Variants in MYO7B observed in about 807,000 individuals in gnomAD.
MYO7B encodes the protein myosin VIIB, also known as unconventional myosin-VIIb.
A neutral mutation model predicts 259.7 loss-of-function variants in MYO7B; 212 were observed. That is an observed-to-expected ratio of 0.82 (90% confidence interval 0.73 to 0.91). MYO7B has a LOEUF of 0.91. MYO7B is among the 40% of genes least tolerant of loss of function. The pLI is 0.00. For synonymous variants in MYO7B, 1,197 were observed against 1,166.4 expected (o/e 1.03, Z -0.54); for missense variants, 2,732 against 2,813.5 (o/e 0.97, Z 0.66).
chr2:127,571,442 G>GTTTTTTTTTTGTTTTTGTT (rs1553448471), intron 6 of MYO7B, among the ~76,000 whole-genome samples: 3 of 41,984 alleles, frequency 7.1e-5, no homozygotes, highest in Admixed American at 3.4e-4. Flanking sequence ...TTACCAGTGA[G>GTTTTTTTTTTGTTTTTGTT]TTTTTTTTTT....
chr2:127,569,750 C>T (rs779922982), intron 5 of MYO7B, 39 bp from the exon 6 acceptor site: 13 of 1,579,340 alleles, frequency 8.2e-6, no homozygotes, highest in African/African-American at 2.7e-5. Flanking sequence ...AAAAAATAGT[C>T]GTTTTGTGGC....
intron 12 of MYO7B, among the ~76,000 whole-genome samples, chr2:127,583,541 T>C (rs186716513): frequency 6.6e-6 from 1 of 152,246 alleles, no homozygotes; most frequent in East Asian, 1.9e-4. Context: ...TGGCAACTGA[T>C]GGGAACTGGA....
At position 127,628,035 on chromosome 2, in the gene MYO7B, G is replaced by C. The variant is rs1372895165; in HGVS notation, c.4461-337G>C. 3.8e-6 allele frequency: 2 copies of C among 523,342 alleles called. No homozygotes were observed. Among genetic ancestry groups the C allele is most frequent in the Non-Finnish European group, 7.4e-6 (2 of 270,664 alleles). 32.4% of individuals were successfully genotyped at this position (523,342 alleles called of 1,614,324 possible). A position where few individuals can be genotyped will look rare whatever the true frequency, so the allele number is the denominator to read the frequency against. On this transcript the variant is annotated intron_variant, in intron 33 of 47. Transcript: ENST00000409816. This position sits in a 1 kb window ranked among gnomAD's most constrained non-coding sequence, Gnocchi z 4.8. ...AAACTGAAGCACGCCGAGGTTAGGT[G>C]GCTCAGAGTAAGCACATGGCAGAGC...
chr2:127,601,415 C>G (rs918467658), intron 19 of MYO7B, among the ~76,000 whole-genome samples: 7 of 152,094 alleles, frequency 4.6e-5, no homozygotes, highest in East Asian at 1.9e-4. Context: ...GAGAGAGTCT[C>G]TAATTATAAT....
intron 1 of MYO7B, among the ~76,000 whole-genome samples, chr2:127,537,486 G>C (rs987023366): frequency 2.6e-5 from 4 of 152,190 alleles, no homozygotes; most frequent in Non-Finnish European, 5.9e-5. Flanking sequence ...ATACCAAGCT[G>C]TTCAGGGAGG....
chr2:127,560,410 G>T (rs1054921841), intron 2 of MYO7B, among the ~76,000 whole-genome samples: 3 of 152,098 alleles, frequency 2.0e-5, no homozygotes, highest in African/African-American at 7.2e-5. Context: ...GCATGGGTAG[G>T]ACTGAAACCC....
chr2:127,617,496 T>TG lies in MYO7B; in HGVS notation c.3399-2844_3399-2843insG, dbSNP rs1314951037. 1.9e-4 allele frequency among the ~76,000 whole-genome samples: 24 copies of TG among 128,602 alleles called. No individual in the cohort carries two copies. The East Asian group carries it at 2.2e-3, about 12-fold the overall frequency. 84.4% of individuals were successfully genotyped at this position (128,602 alleles called of 152,430 possible). On this transcript the variant is annotated intron_variant, in intron 26 of 47. Transcript: ENST00000409816. Reference sequence around the variant, plus strand: ...GCAGACTTGTAACGGGGTTTTTTTTTTTTTTTTTTTTTTTTTTGAGACGGA... The same window carrying TG: ...GCAGACTTGTAACGGGGTTTTTTTTTGTTTTTTTTTTTTTTTTTGAGACGGA...
rs756594686 is a variant in MYO7B, at chr2:127,636,537, C to A, written c.6124-8C>A. On this transcript the variant is annotated splice_polypyrimidine_tract_variant and splice_region_variant and intron_variant, in intron 45 of 47. Coordinates refer to ENST00000409816, the MANE Select transcript of MYO7B (RefSeq NM_001393586.1). The surrounding 1 kb of genome is among the most constrained non-coding windows in gnomAD (Gnocchi z 4.5). ...CTGGACTATGACCGCCGTGTCCCTCCCTCCCAGCAAACCTCGGAGCCTTCC... is the reference window on the plus strand; with the variant it reads ...CTGGACTATGACCGCCGTGTCCCTCACTCCCAGCAAACCTCGGAGCCTTCC... 4 of 1,608,264 alleles carry A rather than the reference C, an allele frequency of 2.5e-6. No individual in the cohort carries two copies. Among genetic ancestry groups the A allele is most frequent in the Non-Finnish European group, 3.4e-6 (4 of 1,177,448 alleles).
At position 127,612,281 on chromosome 2, in the gene MYO7B, A is replaced by C. The variant is rs1231176218; in HGVS notation, c.3224A>C (p.Asp1075Ala). Residue 1075 changes from aspartate (D) to alanine (A), a missense_variant, in exon 25 of 48, where the codon GAT (aspartate) becomes GCT (alanine). By Grantham distance (126) the Asp-to-Ala change is moderately radical. This residue lies in a region of MYO7B where 1,906 missense variants were observed against 2,026.4 expected (regional missense o/e 0.94). Coordinates refer to ENST00000409816, the MANE Select transcript of MYO7B (RefSeq NM_001393586.1). Reference sequence around the variant, plus strand: ...GGCTGCAAGGACAAGGGGACCAAGGATATCTCCTCCATGAAGCTGAAGCGG... The same window carrying C: ...GGCTGCAAGGACAAGGGGACCAAGGCTATCTCCTCCATGAAGCTGAAGCGG... ...RSGCKDKGTK[D>A]ISSMKLKRSS... 3 of 736,250 alleles carry C rather than the reference A, an allele frequency of 4.1e-6. No homozygotes were observed. In the African/African-American group the frequency reaches 5.2e-5, roughly 13 times the overall value. 45.6% of individuals were successfully genotyped at this position (736,250 alleles called of 1,614,324 possible).
In MYO7B at chr2:127,634,856, AC is replaced by A. The variant is rs370468984; in HGVS notation, c.5713+174del. 589 of 683,076 alleles carry A rather than the reference AC, an allele frequency of 8.6e-4. 1 individual carries two copies. The African/African-American group carries it at 8.9e-3, about 10-fold the overall frequency. The allele number at this position is 683,076 out of a possible 1,614,324, so 42.3% of individuals were successfully genotyped here. ...GCGGTGAGGGCCAGCTCAGGCAGAAACAGGTGGCTGCACCTTGGAGTGATGA... is the reference window on the plus strand; with the variant it reads ...GCGGTGAGGGCCAGCTCAGGCAGAAAAGGTGGCTGCACCTTGGAGTGATGA... On this transcript the variant is annotated intron_variant, in intron 42 of 47. Coordinates refer to ENST00000409816, the MANE Select transcript of MYO7B (RefSeq NM_001393586.1).
rs780955121 is a variant in MYO7B at position 127,593,522 on chromosome 2, G to A, written c.2146-24G>A. ...AGGGGTCTCTGCCCCACCTCCCACCGATACCCCCGTTTGGTCTTGGCAGCT... is the reference window on the plus strand; with the variant it reads ...AGGGGTCTCTGCCCCACCTCCCACCAATACCCCCGTTTGGTCTTGGCAGCT... On this transcript the variant is annotated intron_variant, in intron 17 of 47. Transcript: ENST00000409816. 3.7e-6 allele frequency: 6 copies of A among 1,608,568 alleles called. No homozygotes were observed. In the South Asian group the frequency reaches 6.6e-5, roughly 18 times the overall value.
intron 1 of MYO7B, among the ~76,000 whole-genome samples, chr2:127,558,147 A>G (rs984457788): frequency 6.6e-6 from 1 of 152,222 alleles, no homozygotes; most frequent in Non-Finnish European, 1.5e-5. Flanking sequence ...ACAAATTAGT[A>G]AGAAAAAAAA....
chr2:127,566,712 GTACAGCTCTAC>G lies in MYO7B; in HGVS notation c.362_372del (p.Leu121ProfsTer62), dbSNP rs773963669. On this transcript the variant is annotated frameshift_variant, in exon 5 of 48. Transcript: ENST00000409816. LOFTEE classifies it high-confidence loss of function. ...GCTGCCGCTCTACACCCTGGAGCAGGTACAGCTCTACTACAGCCGCCATATGGGCGAGCTGC... is the reference window on the plus strand; with the variant it reads ...GCTGCCGCTCTACACCCTGGAGCAGGTACAGCCGCCATATGGGCGAGCTGC... The G allele has an allele frequency of 1.9e-6, 3 of 1,611,540 alleles. No individual in the cohort carries two copies. Among genetic ancestry groups the G allele is most frequent in the Non-Finnish European group, 2.5e-6 (3 of 1,179,430 alleles).
intron 1 of MYO7B, among the ~76,000 whole-genome samples, chr2:127,537,735 G>A (rs1324000859): frequency 6.6e-6 from 1 of 151,970 alleles, no homozygotes; most frequent in African/African-American, 2.4e-5. Context: ...GGAGGAGGAG[G>A]AGAAGGAAGG....
At chr2:127,544,432 G>A (rs888590288) in intron 1 of MYO7B, among the ~76,000 whole-genome samples, 12 of 151,616 alleles carry the variant, frequency 7.9e-5, no homozygotes, top group Admixed American at 3.9e-4. Context: ...TTTTTGAGAC[G>A]GAGTCTCACT....
At chr2:127,601,852 C>T (rs1558827563) in intron 19 of MYO7B, among the ~76,000 whole-genome samples, 1 of 152,150 alleles carries the variant, frequency 6.6e-6, no homozygotes, top group Admixed American at 6.5e-5. Context: ...GTTCGAATAT[C>T]ATTGTTCCCT....
At position 127,635,122 on chromosome 2, in the gene MYO7B, G is replaced by A. The variant is rs1363301816; in HGVS notation, c.5716G>A (p.Ala1906Thr). The change falls in exon 43 of 48, where the codon GCC (alanine) becomes ACC (threonine). Residue 1906 changes from alanine to threonine, a missense_variant and splice_region_variant. By Grantham distance (58) the Ala-to-Thr change is moderately conservative. Coordinates refer to ENST00000409816, the MANE Select transcript of MYO7B (RefSeq NM_001393586.1). ...VKKNKPQKEG[A>T]PVTLPYQVYF... ...GCCCACTGCTGGCCCTCGCCCAGGG[G>A]CCCCCGTGACGCTCCCCTACCAGGT... The A allele has an allele frequency of 6.2e-7, 1 of 1,611,604 alleles. No homozygotes were observed. The highest frequency in any genetic ancestry group is 2.2e-5 in the East Asian group (1 of 44,828).
intron 1 of MYO7B, among the ~76,000 whole-genome samples, chr2:127,555,323 C>CA (rs890914399): frequency 2.0e-5 from 3 of 152,136 alleles, no homozygotes; most frequent in African/African-American, 7.2e-5. Flanking sequence ...TTTATCTTTT[C>CA]AAAAAACCAC....
chr2:127,539,055 G>C lies in MYO7B; in HGVS notation c.-24+3224G>C, dbSNP rs1281668813. Among the ~76,000 whole-genome samples, 1 of 152,142 alleles carries C rather than the reference G, an allele frequency of 6.6e-6. No individual in the cohort carries two copies. The highest frequency in any genetic ancestry group is 1.5e-5 in the Non-Finnish European group (1 of 68,026). ...CTGTCTGAGCTCCTACTCTGTTCTG[G>C]GGGCTGGGGGCAGAGTACTGAGGGT... On this transcript the variant is annotated intron_variant, in intron 1 of 47. Coordinates refer to ENST00000409816, the MANE Select transcript of MYO7B (RefSeq NM_001393586.1). The surrounding 1 kb of genome is among the most constrained non-coding windows in gnomAD (Gnocchi z 4.0).
Sources: allele counts gnomAD v4.1 joint callset (sites outside exome capture counted in the v4.1 genomes callset), GRCh38; gene constraint gnomAD v4.1.1; regional missense constraint gnomAD v4.1.1; non-coding constraint Gnocchi (gnomAD v3.1); transcripts MANE v1.5; gene names NCBI Gene and HGNC (gene_info 2026-07-23, HGNC 2026-07-21).